Variants in AATF observed in about 807,000 individuals in gnomAD.
AATF encodes the protein apoptosis antagonizing transcription factor.
Under a neutral mutation model 63.7 loss-of-function variants are expected in AATF, and 48 were observed. The ratio of observed to expected loss-of-function variants is 0.75; its 90% CI spans 0.60 to 0.96. AATF has a LOEUF of 0.96. Ranked by LOEUF, AATF falls within the 40% of genes least tolerant of loss-of-function variation. The pLI is 0.00. For missense variants in AATF, 639 were observed against 685.7 expected (o/e 0.93, Z 0.76); for synonymous variants, 258 against 247.7 (o/e 1.04, Z -0.39).
chr17:37,016,770 G>C (rs2071431835), intron 8 of AATF, among the ~76,000 whole-genome samples: 1 of 151,524 alleles, frequency 6.6e-6, no homozygotes. Context: ...TAAACCCAGT[G>C]ATAGTGGTAG....
At chr17:37,034,738 A>T (rs2071577235) in intron 11 of AATF, 1 of 152,228 alleles carries the variant, frequency 6.6e-6, no homozygotes, top group Admixed American at 6.5e-5. Flanking sequence ...CCAGCAGATG[A>T]CATATTTTTC....
intron 8 of AATF, among the ~76,000 whole-genome samples, chr17:37,010,315 G>A (rs1353017141): frequency 2.6e-5 from 4 of 152,100 alleles, no homozygotes; most frequent in Admixed American, 6.5e-5. Flanking sequence ...AAAATTAGCC[G>A]GGCGTGGTGG....
chr17:37,004,511 A>G (rs571020766), intron 8 of AATF, among the ~76,000 whole-genome samples: 24 of 152,172 alleles, frequency 1.6e-4, no homozygotes, highest in African/African-American at 5.5e-4. Flanking sequence ...GTAAAAATGG[A>G]TGTTGCAGGA....
At chr17:37,054,717 A>G (rs2071783637) in intron 11 of AATF, 1 of 152,290 alleles carries the variant, frequency 6.6e-6, no homozygotes, top group South Asian at 2.1e-4. Flanking sequence ...CTCAGTGGTA[A>G]TGATGGGGTC....
chr17:37,041,544 C>T (rs747182950), intron 11 of AATF, among the ~76,000 whole-genome samples: 26 of 151,978 alleles, frequency 1.7e-4, no homozygotes, highest in Non-Finnish European at 3.7e-4. Context: ...CTTGCCCTGT[C>T]GCCCAGGCTG....
At chr17:37,011,043 C>G (rs895185730) in intron 8 of AATF, among the ~76,000 whole-genome samples, 7 of 152,314 alleles carry the variant, frequency 4.6e-5, no homozygotes, top group Admixed American at 2.6e-4. Flanking sequence ...AAGACCATGT[C>G]TGTTTTATTC....
At chr17:37,049,959 T>G (rs8073056) in intron 11 of AATF, among the ~76,000 whole-genome samples, 1 of 151,914 alleles carries the variant, frequency 6.6e-6, no homozygotes, top group Non-Finnish European at 1.5e-5. Context: ...CTGCGGGTTC[T>G]GGAGACCTTG....
chr17:36,991,689 C>T (rs1162459906), intron 8 of AATF, among the ~76,000 whole-genome samples: 1 of 151,944 alleles, frequency 6.6e-6, no homozygotes, highest in African/African-American at 2.4e-5. Flanking sequence ...GGGTTCACGC[C>T]ATTCTCCTGC....
intron 11 of AATF, among the ~76,000 whole-genome samples, chr17:37,046,265 G>A (rs906061819): frequency 7.2e-5 from 11 of 152,204 alleles, no homozygotes; most frequent in Middle Eastern, 3.4e-3. Flanking sequence ...GCGGGGACTC[G>A]GGCTCTGGGG....
At position 37,040,963 on chromosome 17, in the gene AATF, T is replaced by C. The variant is rs73286039; in HGVS notation, c.1619+9278T>C. Among the ~76,000 whole-genome samples, 228 of 152,346 alleles carry C rather than the reference T, an allele frequency of 1.5e-3. 1 individual carries two copies. Among genetic ancestry groups the C allele is most frequent in the African/African-American group, 5.3e-3 (222 of 41,576 alleles). On this transcript the variant is annotated intron_variant, in intron 11 of 11. Transcript: ENST00000619387. ...CATGTAATTCTATTCTCTGCCATAG[T>C]CAGGCACCTATCACCTACTTTTCTT...
At chr17:36,993,554 G>A (rs2071231378) in intron 8 of AATF, among the ~76,000 whole-genome samples, 1 of 152,268 alleles carries the variant, frequency 6.6e-6, no homozygotes, top group South Asian at 2.1e-4. Context: ...TTCATAAAGT[G>A]CTTTCCTTTA....
Position 37,037,039 on chromosome 17 carries a change from C to T in AATF, c.1619+5354C>T, listed in dbSNP as rs182117063. 4.4e-3 allele frequency among the ~76,000 whole-genome samples: 650 copies of T among 146,346 alleles called. 23 individuals are homozygous for T. The highest frequency in any genetic ancestry group is 0.039 in the Admixed American group (574 of 14,614). On this transcript the variant is annotated intron_variant, in intron 11 of 11. Coordinates refer to ENST00000619387, the MANE Select transcript of AATF (RefSeq NM_012138.4). ...TTTTTTTTTTTTTGAGACAGAGTCTCGTTCTCTCACCCAGGCTGTAGTGCA... is the reference window on the plus strand; with the variant it reads ...TTTTTTTTTTTTTGAGACAGAGTCTTGTTCTCTCACCCAGGCTGTAGTGCA...
chr17:37,031,390 G>T (rs547104117), intron 10 of AATF: 7 of 557,202 alleles, frequency 1.3e-5, no homozygotes, highest in East Asian at 1.2e-4. Flanking sequence ...GTGGATTTTT[G>T]TATCCATAGA....
chr17:37,033,310 G>A (rs1292949172), intron 11 of AATF, among the ~76,000 whole-genome samples: 1 of 152,156 alleles, frequency 6.6e-6, no homozygotes, highest in Non-Finnish European at 1.5e-5. Flanking sequence ...CTGTCAGGAT[G>A]CTGTGAAAAA....
rs527879756 is a variant in AATF, at chr17:36,952,784, T to A, written c.284-102T>A. ...GTTGAATTGAGTGCAGTAAGAGATT[T>A]TCCCCCTGATGCCACAGTGCTTAAG... On this transcript the variant is annotated intron_variant, in intron 2 of 11. Transcript: ENST00000619387. 1.3e-3 allele frequency: 1,949 copies of A among 1,488,282 alleles called. 41 individuals are homozygous for A. The South Asian group carries it at 0.025, about 19-fold the overall frequency. The allele number at this position is 1,488,282 out of a possible 1,614,324, so 92.2% of individuals were successfully genotyped here.
At chr17:36,971,902 C>T (rs183716508) in intron 4 of AATF, among the ~76,000 whole-genome samples, 50 of 152,226 alleles carry the variant, frequency 3.3e-4, no homozygotes, top group Non-Finnish European at 5.6e-4. Context: ...GAGAAAGGTC[C>T]GAGTGCAAAG....
At chr17:37,021,773 C>G (rs2071472535) in intron 10 of AATF, among the ~76,000 whole-genome samples, 1 of 84,120 alleles carries the variant, frequency 1.2e-5, no homozygotes, top group Non-Finnish European at 2.1e-5. Context: ...CCACTGCACT[C>G]CAGCCTGGGC....
chr17:37,035,245 GT>G (rs1224309701), intron 11 of AATF, among the ~76,000 whole-genome samples: 1 of 151,504 alleles, frequency 6.6e-6, no homozygotes, highest in Non-Finnish European at 1.5e-5. Flanking sequence ...TTGAGACAGA[GT>G]TTTGCTCTGT....
At chr17:36,950,068 T>C (rs1221397305) in intron 1 of AATF, 146 bp from the exon 2 acceptor site, 2 of 858,812 alleles carry the variant, frequency 2.3e-6, no homozygotes, top group Non-Finnish European at 3.7e-6. Flanking sequence ...TGTTCTACTT[T>C]GGGAGAGAGT....
Sources: gnomAD v4.1 joint callset for allele counts (sites outside exome capture counted in the v4.1 genomes callset) on GRCh38, gnomAD v4.1.1 for gene constraint, MANE v1.5 for transcripts, NCBI Gene and HGNC (gene_info 2026-07-23, HGNC 2026-07-21) for gene names.